Variants in ZNF536 observed in about 807,000 individuals in gnomAD.
ZNF536 encodes zinc finger protein 536.
ZNF536 carries 13 observed loss-of-function variants against 84.5 expected under a neutral mutation model. The observed-to-expected ratio is 0.15, with a 90% CI of 0.10 to 0.24. The LOEUF (loss-of-function observed/expected upper bound fraction) is 0.24, where lower values mean the gene tolerates loss of function less well. ZNF536 is among the 10% of genes least tolerant of loss of function. The pLI, the probability that ZNF536 is intolerant of heterozygous loss-of-function variation, is 1.00. For missense variants in ZNF536, 1,536 were observed against 1,747.5 expected (o/e 0.88, Z 2.16); for synonymous variants, 811 against 742.5 (o/e 1.09, Z -1.50).
intron 1 of ZNF536, among the ~76,000 whole-genome samples, chr19:30,262,139 C>T (rs1431678176): frequency 6.6e-6 from 1 of 152,214 alleles, no homozygotes; most frequent in East Asian, 1.9e-4. Context: ...AAGAAAAACT[C>T]CACCAACCCA....
At chr19:30,399,386 G>A (rs968472086) in intron 1 of ZNF536, among the ~76,000 whole-genome samples, 3 of 152,024 alleles carry the variant, frequency 2.0e-5, no homozygotes, top group Non-Finnish European at 4.4e-5. Context: ...TCTGATGATA[G>A]TTTCTTTTGC....
intron 2 of ZNF536, among the ~76,000 whole-genome samples, chr19:30,335,922 C>A (rs917365141): frequency 6.6e-6 from 1 of 152,048 alleles, no homozygotes; most frequent in African/African-American, 2.4e-5. Flanking sequence ...ATGACCATCC[C>A]CACTGAATGG....
chr19:30,339,961 C>T (rs2047512445), intron 2 of ZNF536, among the ~76,000 whole-genome samples: 1 of 152,106 alleles, frequency 6.6e-6, no homozygotes, highest in Non-Finnish European at 1.5e-5. Context: ...GGTGGACCCT[C>T]CTCAAGGAGG....
chr19:30,353,729 C>T (rs1170973476), intron 3 of ZNF536, among the ~76,000 whole-genome samples: 1 of 152,222 alleles, frequency 6.6e-6, no homozygotes, highest in Non-Finnish European at 1.5e-5. Flanking sequence ...GGTTTAGAAT[C>T]TGCCTGCCAG....
chr19:30,694,910 G>A (rs1369335199), intron 1 of ZNF536, among the ~76,000 whole-genome samples: 3 of 152,180 alleles, frequency 2.0e-5, no homozygotes, highest in Non-Finnish European at 4.4e-5. Context: ...AGGGCAGGGC[G>A]TGGTTCTTGG....
intron 1 of ZNF536, among the ~76,000 whole-genome samples, chr19:30,271,199 T>C (rs1396305992): frequency 6.6e-6 from 1 of 152,100 alleles, no homozygotes; most frequent in East Asian, 1.9e-4. Context: ...AAGGCCTGGC[T>C]TCCTGGTGGT....
At chr19:30,619,370 CTGGA>C (rs2048404947) in intron 1 of ZNF536, among the ~76,000 whole-genome samples, 1 of 152,156 alleles carries the variant, frequency 6.6e-6, no homozygotes, top group African/African-American at 2.4e-5. Flanking sequence ...AGGTACATGT[CTGGA>C]TCCAAAATGA....
At chr19:30,513,100 G>A (rs759624648) in intron 2 of ZNF536, among the ~76,000 whole-genome samples, 3 of 151,904 alleles carry the variant, frequency 2.0e-5, no homozygotes, top group Non-Finnish European at 4.4e-5. Context: ...CACAAGACAC[G>A]TGACACATTA....
intron 2 of ZNF536, among the ~76,000 whole-genome samples, chr19:30,494,677 CT>C (rs2054642552): frequency 1.3e-5 from 2 of 152,028 alleles, no homozygotes; most frequent in Non-Finnish European, 2.9e-5. Flanking sequence ...TATTTCAGAA[CT>C]TAAGACCCTG....
intron 1 of ZNF536, among the ~76,000 whole-genome samples, chr19:30,663,840 G>T (rs1031936392): frequency 4.6e-5 from 7 of 152,162 alleles, no homozygotes; most frequent in Non-Finnish European, 7.4e-5. Context: ...TTAGGATGAT[G>T]CTATTAAAGA....
intron 2 of ZNF536, among the ~76,000 whole-genome samples, chr19:30,286,111 C>G (rs1389609671): frequency 6.6e-6 from 1 of 151,940 alleles, no homozygotes; most frequent in Admixed American, 6.6e-5. Flanking sequence ...CTGGCCCGAG[C>G]GAGGGCCTGA....
intron 1 of ZNF536, among the ~76,000 whole-genome samples, chr19:30,264,962 TGTGTGAGA>T (rs780002708): frequency 1.1e-3 from 93 of 83,540 alleles, no homozygotes; most frequent in Non-Finnish European, 2.0e-3. Flanking sequence ...TGTGTGTGTG[TGTGTGAGA>T]GAGAGAGAGA....
chr19:30,476,246 C>T (rs368442997), intron 2 of ZNF536, among the ~76,000 whole-genome samples: 6 of 152,182 alleles, frequency 3.9e-5, no homozygotes, highest in Non-Finnish European at 8.8e-5. Context: ...CCCCTGAATT[C>T]GCTCTTACTG....
chr19:30,675,466 G>A (rs2050720952), intron 1 of ZNF536, among the ~76,000 whole-genome samples: 1 of 152,152 alleles, frequency 6.6e-6, no homozygotes, highest in South Asian at 2.1e-4. Context: ...CCTACTCTCA[G>A]GGCAACTTTT....
At chr19:30,257,730 G>A (rs2024984587) in intron 1 of ZNF536, among the ~76,000 whole-genome samples, 1 of 152,172 alleles carries the variant, frequency 6.6e-6, no homozygotes, top group Admixed American at 6.5e-5. Context: ...CTGAAGATCT[G>A]GGAGGGAAGG....
chr19:30,706,005 A>G (rs183895008), intron 1 of ZNF536, among the ~76,000 whole-genome samples: 1 of 152,338 alleles, frequency 6.6e-6, no homozygotes, highest in Admixed American at 6.5e-5. Context: ...GTGCTTTTAT[A>G]CCAAGTTGGC....
At chr19:30,310,189 A>G (rs1421348000) in intron 2 of ZNF536, among the ~76,000 whole-genome samples, 1 of 152,210 alleles carries the variant, frequency 6.6e-6, no homozygotes, top group African/African-American at 2.4e-5. Flanking sequence ...TGTCAAATGA[A>G]GGTACGCCAG....
chr19:30,386,180 A>G (rs887288676), intron 1 of ZNF536, among the ~76,000 whole-genome samples: 1 of 151,850 alleles, frequency 6.6e-6, no homozygotes, highest in African/African-American at 2.4e-5. Flanking sequence ...TTTCTCCTTC[A>G]TCTCCACTCC....
chr19:30,269,398 G>T (rs987081313), intron 1 of ZNF536, among the ~76,000 whole-genome samples: 1 of 152,184 alleles, frequency 6.6e-6, no homozygotes, highest in African/African-American at 2.4e-5. Context: ...GATGTAGAGG[G>T]AGAGTTACGT....
Sources: gnomAD v4.1 joint callset for allele counts (sites outside exome capture counted in the v4.1 genomes callset) on GRCh38, gnomAD v4.1.1 for gene constraint, MANE v1.5 for transcripts, NCBI Gene and HGNC (gene_info 2026-07-23, HGNC 2026-07-21) for gene names.